Variants in P2RX3 observed in about 807,000 individuals in gnomAD.
The protein encoded by P2RX3 is purinergic receptor P2X 3.
P2RX3 carries 41 observed loss-of-function variants against 51.5 expected under a neutral mutation model. The ratio of observed to expected loss-of-function variants is 0.80; its 90% CI spans 0.62 to 1.03. P2RX3 has a LOEUF of 1.03. Ranked by LOEUF, P2RX3 falls within the 50% of genes least tolerant of loss-of-function variation. The pLI, the probability that P2RX3 is intolerant of heterozygous loss-of-function variation, is 0.00. For synonymous variants in P2RX3, 185 were observed against 191.6 expected, an observed-to-expected ratio of 0.97 and a Z score of 0.29; for missense variants, 459 against 522.1, an observed-to-expected ratio of 0.88 and a Z score of 1.18.
At chr11:57,354,749 G>A (rs991634616) in intron 8 of P2RX3, among the ~76,000 whole-genome samples, 4 of 152,194 alleles carry the variant, frequency 2.6e-5, no homozygotes, top group Admixed American at 1.3e-4. Flanking sequence ...GTGTGTGTGC[G>A]TGAGTGTATA....
intron 8 of P2RX3, among the ~76,000 whole-genome samples, chr11:57,353,846 C>CT (rs1392578975): frequency 8.3e-6 from 1 of 120,854 alleles, no homozygotes; most frequent in East Asian, 3.0e-4. Flanking sequence ...CTCCCCCCCC[C>CT]CCGCCCCTAT....
chr11:57,350,526 C>T (rs1415986575), intron 7 of P2RX3: 2 of 463,822 alleles, frequency 4.3e-6, no homozygotes, highest in Non-Finnish European at 3.9e-6. Context: ...TCGTGATCCG[C>T]CCGCCTCGGC....
Position 57,347,477 on chromosome 11 carries a change from G to A in P2RX3, c.390G>A (p.Gly130=). 1 of 1,555,546 alleles carries A rather than the reference G, an allele frequency of 6.4e-7. No homozygotes were observed. The highest frequency in any genetic ancestry group is 8.7e-7 in the Non-Finnish European group (1 of 1,149,286). ...GCGGGCCTGAGCGCTTGCCAGGTGG[G>A]GGTGAGTCCAGCCCCTTACCCACCC... ...SQCGPERLPG[G]GILTGRCVNY... The change falls in exon 4 of 12, where the codon GGG becomes GGA. Residue 130 remains glycine, a splice_region_variant and synonymous_variant. Transcript: ENST00000263314.
At chr11:57,354,788 A>T (rs1438658774) in intron 8 of P2RX3, among the ~76,000 whole-genome samples, 1 of 152,156 alleles carries the variant, frequency 6.6e-6, no homozygotes, top group African/African-American at 2.4e-5. Flanking sequence ...ACAGATTAAA[A>T]ATACTGTATC....
At chr11:57,349,943 C>T (rs749349207) in intron 7 of P2RX3, 45 bp downstream of exon 7, 1 of 1,609,342 alleles carries the variant, frequency 6.2e-7, no homozygotes, top group South Asian at 1.1e-5. Context: ...TCCCCACCTT[C>T]AGCCCTTTCC....
Position 57,348,256 on chromosome 11 carries a change from G to A in P2RX3, c.478G>A (p.Val160Met). The stretch of plus-strand genomic sequence containing the variant: ...CTGGTGCCCCACGGAGGTGGACACA[G>A]TGGAAACGTAAGGCTCCAAGCCAGA... The part of the protein sequence containing the change: ...QGWCPTEVDT[V>M]ETPIMMEAEN... Residue 160 changes from valine (V) to methionine (M), a missense_variant, in exon 5 of 12, where the codon GTG (valine) becomes ATG (methionine). Coordinates refer to ENST00000263314, the MANE Select transcript of P2RX3 (RefSeq NM_002559.5). 1 of 1,601,716 alleles carries A rather than the reference G, an allele frequency of 6.2e-7. No homozygotes were observed.
chr11:57,346,731 T>C, intron 2 of P2RX3, 52 bp downstream of exon 2: 5 of 1,598,968 alleles, frequency 3.1e-6, no homozygotes, highest in Admixed American at 1.7e-5. Flanking sequence ...ACTGGGCAGG[T>C]TGGAAGGGAG....
At chr11:57,369,318 C>A (rs1258722841) in intron 10 of P2RX3, 43 bp from the exon 11 acceptor site, 1 of 1,579,220 alleles carries the variant, frequency 6.3e-7, no homozygotes, top group Admixed American at 1.7e-5. Flanking sequence ...TCCCACCCAA[C>A]CCAGGGCACC....
At chr11:57,336,015 T>G (rs2134396776), upstream of P2RX3, 1 of 152,310 alleles carries the variant, frequency 6.6e-6, no homozygotes, top group African/African-American at 2.4e-5. Flanking sequence ...CCAGGGGGAA[T>G]CCGGCCTAGA....
intron 7 of P2RX3, 36 bp from the exon 8 acceptor site, chr11:57,350,726 G>T: frequency 6.2e-7 from 1 of 1,611,648 alleles, no homozygotes. Context: ...GAGTCAGAGG[G>T]CGAGGGGAAA....
At position 57,348,212 on chromosome 11, in the gene P2RX3, G is replaced by A. The variant is rs115850675; in HGVS notation, c.434G>A (p.Arg145Gln). ...TGCGTGAACTACAGCTCTGTGCTCC[G>A]GACCTGTGAGATCCAGGGCTGGTGC... ...GRCVNYSSVL[R>Q]TCEIQGWCPT... The change falls in exon 5 of 12, where the codon CGG becomes CAG. Residue 145 changes from arginine (R) to glutamine (Q), a missense_variant. Arg to Gln is a conservative substitution (Grantham distance 43, BLOSUM62 1). Transcript: ENST00000263314. The A allele has an allele frequency of 1.1e-3, 1,687 of 1,602,536 alleles. 13 individuals are homozygous for A. The African/African-American group carries it at 0.017, about 16-fold the overall frequency.
At position 57,368,037 on chromosome 11, in the gene P2RX3, G is replaced by A; in HGVS notation, c.871G>A (p.Gly291Ser). 6.2e-7 allele frequency: 1 copy of A among 1,614,196 alleles called. No homozygotes were observed. The highest frequency in any genetic ancestry group is 8.5e-7 in the Non-Finnish European group (1 of 1,180,028). The change falls in exon 9 of 12, where the codon GGC becomes AGC. Residue 291 changes from glycine to serine, a missense_variant. Transcript: ENST00000263314. ...TGCCAAGTACTACAAAATGGAAAAT[G>A]GCAGTGAGTACCGCACCCTCCTGAA... The part of the protein sequence containing the change: ...RFAKYYKMEN[G>S]SEYRTLLKAF...
chr11:57,350,911 C>CT lies in P2RX3; in HGVS notation c.842+14dup. 1 of 1,614,096 alleles carries CT rather than the reference C, an allele frequency of 6.2e-7. No individual in the cohort carries two copies. Among genetic ancestry groups the CT allele is most frequent in the East Asian group, 2.2e-5 (1 of 44,872 alleles). ...GCTACAACTTCAGGTAATTCCCTGT[C>CT]TCCTGGGACACCAGGAGAAGAAGGT... is the stretch of plus-strand genomic sequence containing the variant. On this transcript the variant is annotated intron_variant, in intron 8 of 11. Transcript: ENST00000263314.
chr11:57,352,624 G>A (rs909297913), intron 8 of P2RX3, among the ~76,000 whole-genome samples: 45 of 152,092 alleles, frequency 3.0e-4, no homozygotes, highest in Admixed American at 1.1e-3. Context: ...TACTGATATC[G>A]TACAGTTTTA....
chr11:57,346,991 C>G, intron 2 of P2RX3, 125 bp from the exon 3 acceptor site: 1 of 1,066,768 alleles, frequency 9.4e-7, no homozygotes, highest in South Asian at 1.5e-5. Flanking sequence ...GCCCTGTGAC[C>G]TTGGCCAAGT....
At chr11:57,341,653 G>A (rs1192069776) in intron 1 of P2RX3, among the ~76,000 whole-genome samples, 1 of 152,136 alleles carries the variant, frequency 6.6e-6, no homozygotes, top group Non-Finnish European at 1.5e-5. Context: ...GAAGTTGAAG[G>A]AAATCCCTAG....
chr11:57,345,771 C>T (rs1172476564), intron 1 of P2RX3, among the ~76,000 whole-genome samples: 1 of 152,090 alleles, frequency 6.6e-6, no homozygotes, highest in Non-Finnish European at 1.5e-5. Context: ...CACGTGGTCC[C>T]ATTATGGCTT....
At chr11:57,337,733 A>G (rs1399493152), upstream of P2RX3, among the ~76,000 whole-genome samples, 1 of 152,208 alleles carries the variant, frequency 6.6e-6, no homozygotes, top group Non-Finnish European at 1.5e-5. Flanking sequence ...TGACGGGTAT[A>G]TTTACAGTTA....
At chr11:57,364,241 C>T (rs1284358702) in intron 8 of P2RX3, among the ~76,000 whole-genome samples, 2 of 152,172 alleles carry the variant, frequency 1.3e-5, no homozygotes, top group Non-Finnish European at 2.9e-5. Flanking sequence ...CTTAAATTCT[C>T]CAGTGATGTG....
Sources: gnomAD v4.1 joint callset for allele counts (sites outside exome capture counted in the v4.1 genomes callset) on GRCh38, gnomAD v4.1.1 for gene constraint, MANE v1.5 for transcripts, NCBI Gene and HGNC (gene_info 2026-07-23, HGNC 2026-07-21) for gene names.